The following TMEM39B variants were observed in gnomAD, a reference collection of about 807,000 sequenced individuals.
The protein encoded by TMEM39B is transmembrane protein 39B.
A neutral mutation model predicts 52.2 loss-of-function variants in TMEM39B; 23 were observed. The ratio of observed to expected loss-of-function variants is 0.44; its 90% CI spans 0.32 to 0.62. The LOEUF is 0.62. Among genes scored for constraint, TMEM39B ranks in the 20% least tolerant of loss-of-function variants. The probability of loss-of-function intolerance (pLI) is 0.06; values close to 1 mark genes in which losing one functional copy is unlikely to be tolerated. For missense variants in TMEM39B, 547 were observed against 642.0 expected, an observed-to-expected ratio of 0.85 and a Z score of 1.60; for synonymous variants, 285 against 264.0, an observed-to-expected ratio of 1.08 and a Z score of -0.77.
At chr1:32,083,620 C>T (rs980973738) in intron 5 of TMEM39B, among the ~76,000 whole-genome samples, 1 of 151,298 alleles carries the variant, frequency 6.6e-6, no homozygotes, top group Non-Finnish European at 1.5e-5. Flanking sequence ...GACGGGGTTT[C>T]ACCGTGTTAG....
chr1:32,076,592 C>T (rs1639871864), intron 3 of TMEM39B, 171 bp from the exon 4 acceptor site: 1 of 723,698 alleles, frequency 1.4e-6, no homozygotes, highest in Admixed American at 2.0e-5. Context: ...TCTCGGGGTC[C>T]TGTCCTACTC....
chr1:32,087,242 C>A (rs563805228), intron 5 of TMEM39B, among the ~76,000 whole-genome samples: 29 of 137,220 alleles, frequency 2.1e-4, no homozygotes, highest in African/African-American at 7.8e-4. Flanking sequence ...CTCTTGAACC[C>A]GGGAGGGGGA....
At chr1:32,073,936 A>G (rs1440082009) in intron 1 of TMEM39B, 3 of 973,298 alleles carry the variant, frequency 3.1e-6, no homozygotes, top group African/African-American at 3.5e-5. Flanking sequence ...TTTAATAGAG[A>G]CCGGGTTTCG....
rs1451332870 is a variant in TMEM39B at position 32,072,948 on chromosome 1, G to T, written c.-100G>T. 4.8e-6 allele frequency: 7 copies of T among 1,460,936 alleles called. No individual in the cohort carries two copies. Among genetic ancestry groups the T allele is most frequent in the Admixed American group, 2.2e-5 (1 of 45,390 alleles). 90.5% of individuals were successfully genotyped at this position (1,460,936 alleles called of 1,614,324 possible). A position where few individuals can be genotyped will look rare whatever the true frequency, so the allele number is the denominator to read the frequency against. On this transcript the variant is annotated 5_prime_UTR_variant, in exon 1 of 9. Coordinates refer to ENST00000336294, the MANE Select transcript of TMEM39B (RefSeq NM_018056.4). ...GCGGGAGCGCGCGGCTGATACCCGG[G>T]ACTGGGCTGCGGCGGTTAGTCCTCT...
intron 7 of TMEM39B, among the ~76,000 whole-genome samples, chr1:32,099,759 A>G (rs1382062015): frequency 2.0e-5 from 3 of 152,142 alleles, no homozygotes; most frequent in Admixed American, 6.6e-5. Context: ...AAAAGGTTTT[A>G]AGCAGGACCA....
chr1:32,091,627 A>G, intron 5 of TMEM39B, 48 bp from the exon 6 acceptor site: 2 of 1,544,096 alleles, frequency 1.3e-6, no homozygotes, highest in Non-Finnish European at 1.8e-6. Context: ...GAGAGTTGGG[A>G]TCCTGGCCCA....
At position 32,094,929 on chromosome 1, in the gene TMEM39B, A is replaced by G; in HGVS notation, c.1073A>G (p.Gln358Arg). ...HKAAAHLGCWQKVDPALCSNV... is the reference protein window; with the variant it reads ...HKAAAHLGCWRKVDPALCSNV... Reference sequence around the variant, plus strand: ...GCCGCCGCCCATCTGGGCTGTTGGCAGAAGGTGGACCCAGCGCTGTGCTCC... The same window carrying G: ...GCCGCCGCCCATCTGGGCTGTTGGCGGAAGGTGGACCCAGCGCTGTGCTCC... The change falls in exon 7 of 9, where the codon CAG (glutamine) becomes CGG (arginine). Residue 358 changes from glutamine to arginine, a missense_variant. Physicochemically the swap from Gln to Arg is conservative, Grantham distance 43. Transcript: ENST00000336294. The G allele has an allele frequency of 6.2e-7, 1 of 1,613,892 alleles. No individual in the cohort carries two copies. The highest frequency in any genetic ancestry group is 8.5e-7 in the Non-Finnish European group (1 of 1,180,046).
At chr1:32,095,854 G>T (rs1456644767) in intron 7 of TMEM39B, 1 of 152,250 alleles carries the variant, frequency 6.6e-6, no homozygotes, top group Non-Finnish European at 1.5e-5. Flanking sequence ...TCCCTTTCAG[G>T]CTCTGTCCTG....
In TMEM39B at chr1:32,102,682, G is replaced by A. The variant is rs746525484; in HGVS notation, c.*9G>A. ...ACCACCGTTTCTCCTGAGCCCTGGG[G>A]TCACCTCAGGGACAGCGTCCAGGCT... On this transcript the variant is annotated 3_prime_UTR_variant, in exon 9 of 9. Coordinates refer to ENST00000336294, the MANE Select transcript of TMEM39B (RefSeq NM_018056.4). 1 of 1,543,024 alleles carries A rather than the reference G, an allele frequency of 6.5e-7. No homozygotes were observed. Among genetic ancestry groups the A allele is most frequent in the Admixed American group, 1.9e-5 (1 of 53,246 alleles).
At chr1:32,088,895 ACTGGCCTCTTCCTTTT>A (rs1209477785) in intron 5 of TMEM39B, among the ~76,000 whole-genome samples, 2 of 151,888 alleles carry the variant, frequency 1.3e-5, no homozygotes, top group African/African-American at 4.8e-5. Context: ...CCATAGAATC[ACTGGCCTCTTCCTTTT>A]CTAGTCAAAA....
At chr1:32,079,215 C>A in intron 5 of TMEM39B, among the ~76,000 whole-genome samples, 1 of 140,742 alleles carries the variant, frequency 7.1e-6, no homozygotes, top group Non-Finnish European at 1.5e-5. Context: ...GATGGAGTCT[C>A]GCTCTGTCGC....
At chr1:32,098,717 C>G (rs923502837) in intron 7 of TMEM39B, among the ~76,000 whole-genome samples, 1 of 151,868 alleles carries the variant, frequency 6.6e-6, no homozygotes, top group Non-Finnish European at 1.5e-5. Flanking sequence ...CTGGCCTAGG[C>G]GAAAGAGCGA....
intron 1 of TMEM39B, chr1:32,073,759 T>A: frequency 1.0e-6 from 1 of 985,268 alleles, no homozygotes; most frequent in Non-Finnish European, 1.2e-6. Context: ...GGTTTATAAT[T>A]TTGGGCATAC....
chr1:32,085,750 C>CA (rs113814805), intron 5 of TMEM39B, among the ~76,000 whole-genome samples: 17,840 of 127,436 alleles, frequency 0.14, 1,366 homozygotes, highest in South Asian at 0.26. Flanking sequence ...GACTCTGTCT[C>CA]AAAAAAAAAA....
chr1:32,102,718 G>A lies in TMEM39B; in HGVS notation c.*45G>A. Reference sequence around the variant, plus strand: ...GACAGCGTCCAGGCTTCAGCCAAGGGCTCCCTGGCAAGGGGCTGTTGGGTA... The same window carrying A: ...GACAGCGTCCAGGCTTCAGCCAAGGACTCCCTGGCAAGGGGCTGTTGGGTA... On this transcript the variant is annotated 3_prime_UTR_variant, in exon 9 of 9. Coordinates refer to ENST00000336294, the MANE Select transcript of TMEM39B (RefSeq NM_018056.4). 7.1e-7 allele frequency: 1 copy of A among 1,415,794 alleles called. No homozygotes were observed. The allele number at this position is 1,415,794 out of a possible 1,614,324, so 87.7% of individuals were successfully genotyped here. A position where few individuals can be genotyped will look rare whatever the true frequency, so the allele number is the denominator to read the frequency against.
chr1:32,083,194 C>G (rs1208247947), intron 5 of TMEM39B, among the ~76,000 whole-genome samples: 1 of 148,030 alleles, frequency 6.8e-6, no homozygotes, highest in African/African-American at 2.5e-5. Context: ...AAGTGATTCT[C>G]CTCCCTCAGC....
At position 32,077,326 on chromosome 1, in the gene TMEM39B, C is replaced by A; in HGVS notation, c.590+8C>A. The stretch of plus-strand genomic sequence containing the variant: ...CCTGTTCCTCTGCTATCCGTGAGTA[C>A]CCCTCACTTCACCCCTCACTGCCCA... On this transcript the variant is annotated splice_region_variant and intron_variant, in intron 5 of 8. Transcript: ENST00000336294. 1.2e-6 allele frequency: 2 copies of A among 1,614,038 alleles called. No individual in the cohort carries two copies. The highest frequency in any genetic ancestry group is 1.7e-6 in the Non-Finnish European group (2 of 1,179,932).
chr1:32,075,515 G>T, intron 2 of TMEM39B, 88 bp from the exon 3 acceptor site: 1 of 1,381,056 alleles, frequency 7.2e-7, no homozygotes, highest in South Asian at 1.3e-5. Flanking sequence ...CTGCTTTTCT[G>T]ATCTTATCCC....
intron 5 of TMEM39B, among the ~76,000 whole-genome samples, chr1:32,084,223 T>G (rs191229880): frequency 8.5e-4 from 130 of 152,292 alleles, no homozygotes; most frequent in Admixed American, 3.1e-3. Flanking sequence ...AGCCTCTCAG[T>G]CATACTGCCT....
Sources: gnomAD v4.1 joint callset for allele counts (sites outside exome capture counted in the v4.1 genomes callset) on GRCh38, gnomAD v4.1.1 for gene constraint, MANE v1.5 for transcripts, NCBI Gene and HGNC (gene_info 2026-07-23, HGNC 2026-07-21) for gene names.